Variants in FLRT2 observed in about 807,000 individuals in gnomAD.
The protein encoded by FLRT2 is leucine-rich repeat transmembrane protein FLRT2.
Under a neutral mutation model 40.0 loss-of-function variants are expected in FLRT2, and 15 were observed. The ratio of observed to expected loss-of-function variants is 0.38; its 90% CI spans 0.25 to 0.58. The LOEUF is 0.58. Among genes scored for constraint, FLRT2 ranks in the 20% least tolerant of loss-of-function variants. The pLI is 0.71. For synonymous variants in FLRT2, 380 were observed against 336.8 expected (o/e 1.13, Z -1.41); for missense variants, 726 against 840.0 (o/e 0.86, Z 1.68).
At chr14:85,566,549 T>TTGTG (rs61634735) in intron 1 of FLRT2, among the ~76,000 whole-genome samples, 8,820 of 130,878 alleles carry the variant, frequency 0.067, 363 homozygotes, top group East Asian at 0.18. Context: ...ACTTCCATGG[T>TTGTG]TGTGTGTGTG....
rs1594977951 is a variant in FLRT2, at chr14:85,642,229, G to A, written c.*18732G>A. Reference sequence around the variant, plus strand: ...TTTCAGTTGAATCACACCCTCATCAGGTCTTCTCTGTGAAAATTAGGGCAT... The same window carrying A: ...TTTCAGTTGAATCACACCCTCATCAAGTCTTCTCTGTGAAAATTAGGGCAT... On this transcript the variant is annotated 3_prime_UTR_variant, in exon 2 of 2. Coordinates refer to ENST00000330753, the MANE Select transcript of FLRT2 (RefSeq NM_013231.6). 6.6e-6 allele frequency: 1 copy of A among 151,858 alleles called. No individual in the cohort carries two copies. The highest frequency in any genetic ancestry group is 2.4e-5 in the African/African-American group (1 of 41,348). 9.4% of individuals were successfully genotyped at this position (151,858 alleles called of 1,614,324 possible).
chr14:85,572,025 C>T (rs1890912916), intron 1 of FLRT2, among the ~76,000 whole-genome samples: 1 of 152,148 alleles, frequency 6.6e-6, no homozygotes, highest in Admixed American at 6.5e-5. Context: ...TGAGACAAAC[C>T]ATAAAATGTT....
At chr14:85,598,804 T>C (rs1319121708) in intron 1 of FLRT2, among the ~76,000 whole-genome samples, 1 of 152,200 alleles carries the variant, frequency 6.6e-6, no homozygotes, top group Non-Finnish European at 1.5e-5. Flanking sequence ...ATTTACCTCC[T>C]TCTCCTATTC....
intron 1 of FLRT2, among the ~76,000 whole-genome samples, chr14:85,591,291 C>T (rs946149861): frequency 1.3e-5 from 2 of 152,170 alleles, no homozygotes; most frequent in African/African-American, 4.8e-5. Flanking sequence ...AACCCCTTCC[C>T]AGGCCGTTTT....
intron 1 of FLRT2, among the ~76,000 whole-genome samples, chr14:85,616,327 A>C (rs1369241770): frequency 6.6e-6 from 1 of 152,080 alleles, no homozygotes; most frequent in Non-Finnish European, 1.5e-5. Flanking sequence ...AGACAAAAAA[A>C]AAAAAAACCC....
At position 85,558,269 on chromosome 14, in the gene FLRT2, A is replaced by G. The variant is rs545335765; in HGVS notation, c.-377+27735A>G. Among the ~76,000 whole-genome samples, 194 of 152,318 alleles carry G rather than the reference A, an allele frequency of 1.3e-3. 1 individual carries two copies. Among genetic ancestry groups the G allele is most frequent in the African/African-American group, 4.6e-3 (191 of 41,566 alleles). ...GGCTCTCATATGCCCGTAGAATTAT[A>G]TAGTCAGGCTTTTCAGGAATTTTTT... On this transcript the variant is annotated intron_variant, in intron 1 of 1. Coordinates refer to ENST00000330753, the MANE Select transcript of FLRT2 (RefSeq NM_013231.6).
At chr14:85,571,267 T>C (rs1474860863) in intron 1 of FLRT2, among the ~76,000 whole-genome samples, 2 of 152,202 alleles carry the variant, frequency 1.3e-5, no homozygotes, top group Admixed American at 1.3e-4. Context: ...TGGAATTTCT[T>C]TGAGAATAGA....
In FLRT2 at chr14:85,621,949, A is replaced by C. The variant is rs1220778358; in HGVS notation, c.435A>C (p.Ile145=). ...AGCTGCACCTGGATGACAACTCCAT[A>C]TCCACAGTGGGGGTGGAAGACGGGG... ...LEELHLDDNS[I]STVGVEDGAF... is the part of the protein sequence containing the mutation. Residue 145 remains isoleucine (I), a synonymous_variant, in exon 2 of 2, where the codon ATA becomes ATC. Coordinates refer to ENST00000330753, the MANE Select transcript of FLRT2 (RefSeq NM_013231.6). 12 of 1,601,500 alleles carry C rather than the reference A, an allele frequency of 7.5e-6. No individual in the cohort carries two copies. The highest frequency in any genetic ancestry group is 1.3e-5 in the African/African-American group (1 of 74,754).
At position 85,648,089 on chromosome 14, in the gene FLRT2, T is replaced by A. The variant is rs193231339; in HGVS notation, c.*24592T>A. 1.3e-4 allele frequency: 20 copies of A among 152,284 alleles called. No homozygotes were observed. Among genetic ancestry groups the A allele is most frequent in the Admixed American group, 7.9e-4 (12 of 15,282 alleles). The allele number at this position is 152,284 out of a possible 1,614,324, so 9.4% of individuals were successfully genotyped here. ...CAGACTATCAGCTTGAAACTATGAT[T>A]GGAATTGAAGGTTAAAGAAAACCCA... On this transcript the variant is annotated 3_prime_UTR_variant, in exon 2 of 2. Transcript: ENST00000330753.
At position 85,651,259 on chromosome 14, in the gene FLRT2, G is replaced by T. The variant is rs1000169563; in HGVS notation, c.*27762G>T. Reference sequence around the variant, plus strand: ...GACATAGCCTGGAAAGTATTCGTTTGTTTGTGTGTGTGTGTGTGTGTGTGT... The same window carrying T: ...GACATAGCCTGGAAAGTATTCGTTTTTTTGTGTGTGTGTGTGTGTGTGTGT... On this transcript the variant is annotated 3_prime_UTR_variant, in exon 2 of 2. Transcript: ENST00000330753. The T allele has an allele frequency of 4.7e-4, 32 of 67,784 alleles. 1 individual carries two copies. In the Admixed American group the frequency reaches 5.2e-3, roughly 11 times the overall value. The allele number at this position is 67,784 out of a possible 1,614,324, so 4.2% of individuals were successfully genotyped here.
chr14:85,608,139 G>A (rs1466840916), intron 1 of FLRT2, among the ~76,000 whole-genome samples: 2 of 152,072 alleles, frequency 1.3e-5, no homozygotes, highest in East Asian at 3.8e-4. Context: ...GAGATACTGG[G>A]GGTTAGGACT....
Position 85,635,780 on chromosome 14 carries a change from T to C in FLRT2, c.*12283T>C, listed in dbSNP as rs1011527339. 6.6e-6 allele frequency: 1 copy of C among 152,136 alleles called. No individual in the cohort carries two copies. Among genetic ancestry groups the C allele is most frequent in the African/African-American group, 2.4e-5 (1 of 41,448 alleles). 9.4% of individuals were successfully genotyped at this position (152,136 alleles called of 1,614,324 possible). A position where few individuals can be genotyped will look rare whatever the true frequency, so the allele number is the denominator to read the frequency against. ...AAATTCTTCTTTCCCAGACCTTCAA[T>C]ACTTTTATAAAACCACTACTTAGCA... On this transcript the variant is annotated 3_prime_UTR_variant, in exon 2 of 2. Coordinates refer to ENST00000330753, the MANE Select transcript of FLRT2 (RefSeq NM_013231.6).
At position 85,628,640 on chromosome 14, in the gene FLRT2, T is replaced by A. The variant is rs1893792668; in HGVS notation, c.*5143T>A. 2 of 152,212 alleles carry A rather than the reference T, an allele frequency of 1.3e-5. No homozygotes were observed. The highest frequency in any genetic ancestry group is 1.3e-4 in the Admixed American group (2 of 15,278). 9.4% of individuals were successfully genotyped at this position (152,212 alleles called of 1,614,324 possible). A position where few individuals can be genotyped will look rare whatever the true frequency, so the allele number is the denominator to read the frequency against. Reference sequence around the variant, plus strand: ...CCCCTCTTGGCCATTTCATTAATAATGTATTTGACAGAGATTGAATCAGGA... The same window carrying A: ...CCCCTCTTGGCCATTTCATTAATAAAGTATTTGACAGAGATTGAATCAGGA... On this transcript the variant is annotated 3_prime_UTR_variant, in exon 2 of 2. Coordinates refer to ENST00000330753, the MANE Select transcript of FLRT2 (RefSeq NM_013231.6).
intron 1 of FLRT2, among the ~76,000 whole-genome samples, chr14:85,595,247 A>G (rs1454682971): frequency 6.6e-6 from 1 of 152,156 alleles, no homozygotes; most frequent in Non-Finnish European, 1.5e-5. Context: ...CAAAGTCATT[A>G]ATTAATAAGA....
chr14:85,580,092 T>C (rs1333018452), intron 1 of FLRT2, among the ~76,000 whole-genome samples: 1 of 152,150 alleles, frequency 6.6e-6, no homozygotes, highest in Non-Finnish European at 1.5e-5. Context: ...TGCTTGGATT[T>C]CTCCCAAAGT....
chr14:85,643,083 G>C lies in FLRT2; in HGVS notation c.*19586G>C, dbSNP rs1022480787. ...TATTAGGTCATTATTCTCAACATGA[G>C]GGCTCCACCCTTATGGATTAATTGC... On this transcript the variant is annotated 3_prime_UTR_variant, in exon 2 of 2. Transcript: ENST00000330753. 1 of 151,988 alleles carries C rather than the reference G, an allele frequency of 6.6e-6. No individual in the cohort carries two copies. Among genetic ancestry groups the C allele is most frequent in the Non-Finnish European group, 1.5e-5 (1 of 68,020 alleles). 9.4% of individuals were successfully genotyped at this position (151,988 alleles called of 1,614,324 possible). A position where few individuals can be genotyped will look rare whatever the true frequency, so the allele number is the denominator to read the frequency against.
chr14:85,567,490 G>T (rs79953687), intron 1 of FLRT2, among the ~76,000 whole-genome samples: 3,207 of 152,188 alleles, frequency 0.021, 115 homozygotes, highest in African/African-American at 0.072. Flanking sequence ...CTTCAGGAGC[G>T]TAAGTTTCTG....
chr14:85,598,570 A>G (rs1229389102), intron 1 of FLRT2, among the ~76,000 whole-genome samples: 3 of 152,152 alleles, frequency 2.0e-5, no homozygotes, highest in Non-Finnish European at 4.4e-5. Context: ...TTGGCTTCTG[A>G]TGGTGATGTT....
In FLRT2 at chr14:85,622,931, G is replaced by T. The variant is rs141004276; in HGVS notation, c.1417G>T (p.Gly473Cys). ...CATCGTTCAGGAGCGCATAGTCAGC[G>T]GTGAGAAGCAACACCTGAGCCTGGT... ...GGIVQERIVS[G>C]EKQHLSLVNL... is the part of the protein sequence containing the mutation. The change falls in exon 2 of 2, where the codon GGT becomes TGT. Residue 473 changes from glycine (G) to cysteine (C), a missense_variant. Coordinates refer to ENST00000330753, the MANE Select transcript of FLRT2 (RefSeq NM_013231.6). The T allele has an allele frequency of 3.1e-6, 5 of 1,614,186 alleles. No homozygotes were observed. Among genetic ancestry groups the T allele is most frequent in the Non-Finnish European group, 4.2e-6 (5 of 1,180,026 alleles).
Sources: allele counts gnomAD v4.1 joint callset (sites outside exome capture counted in the v4.1 genomes callset), GRCh38; gene constraint gnomAD v4.1.1; transcripts MANE v1.5; gene names NCBI Gene and HGNC (gene_info 2026-07-23, HGNC 2026-07-21).